KLRG1: variants seen among roughly 807,000 people sequenced by gnomAD.
The protein encoded by KLRG1 is killer cell lectin like receptor G1.
KLRG1 carries 16 observed loss-of-function variants against 21.8 expected under a neutral mutation model. The observed-to-expected ratio is 0.73, with a 90% CI of 0.50 to 1.11. The LOEUF (loss-of-function observed/expected upper bound fraction) is 1.11. Ranked by LOEUF, KLRG1 falls within the 50% of genes most tolerant of loss-of-function variation. The pLI is 0.00. For missense variants in KLRG1, 173 were observed against 218.3 expected (o/e 0.79, Z 1.31); for synonymous variants, 69 against 75.9 (o/e 0.91, Z 0.47).
intron 3 of KLRG1, among the ~76,000 whole-genome samples, chr12:9,004,473 A>T (rs1320673882): frequency 6.6e-6 from 1 of 152,160 alleles, no homozygotes; most frequent in Non-Finnish European, 1.5e-5. Context: ...TATTAAACAT[A>T]ATTTTTTAAA....
At chr12:9,080,242 T>G in the KLRG1 span, 7 of 1,148,012 alleles carry the variant, frequency 6.1e-6, no homozygotes, top group South Asian at 1.4e-5. Context: ...TAAACAGCTC[T>G]ATGACCCAGA....
At chr12:9,098,701 C>T in the KLRG1 span, 109 of 1,612,370 alleles carry the variant, frequency 6.8e-5, no homozygotes, top group East Asian at 2.3e-3. Context: ...CGCTGTGACT[C>T]GCAGGTGGGC....
chr12:9,186,000 G>C, the KLRG1 span, among the ~76,000 whole-genome samples: 1 of 151,774 alleles, frequency 6.6e-6, no homozygotes, highest in Non-Finnish European at 1.5e-5. Flanking sequence ...TAGAGATGGG[G>C]TTTCACCATG....
At chr12:9,173,331 G>A in the KLRG1 span, among the ~76,000 whole-genome samples, 1 of 152,180 alleles carries the variant, frequency 6.6e-6, no homozygotes. Context: ...ACAGTGTTAA[G>A]TGGGAAATTT....
Position 8,978,006 on chromosome 12 carries a change from G to A in KLRG1, c.-155-14200G>A, listed in dbSNP as rs146724103. On this transcript the variant is annotated intron_variant, in intron 1 of 4. Transcript: ENST00000539240. ...CCTGAGTAGCTGGGATTACAGGTGTGCACCACCATGCCTGGCTAATTTTTG... is the reference window on the plus strand; with the variant it reads ...CCTGAGTAGCTGGGATTACAGGTGTACACCACCATGCCTGGCTAATTTTTG... Among the ~76,000 whole-genome samples the A allele has an allele frequency of 2.0e-3, 307 of 152,000 alleles. 2 individuals are homozygous for A. The highest frequency in any genetic ancestry group is 7.2e-3 in the African/African-American group (300 of 41,448).
At chr12:9,152,444 T>A in the KLRG1 span, 541 of 680,518 alleles carry the variant, frequency 7.9e-4, 3 homozygotes, top group African/African-American at 8.0e-3. Flanking sequence ...CTGTGTTCCC[T>A]GGACTTGTGC....
intron 1 of KLRG1, among the ~76,000 whole-genome samples, chr12:8,953,397 C>T (rs997753293): frequency 6.6e-6 from 1 of 151,896 alleles, no homozygotes; most frequent in African/African-American, 2.4e-5. Flanking sequence ...AAGGTGGGCA[C>T]GACAGTGTAG....
At chr12:9,023,094 G>A in the KLRG1 span, among the ~76,000 whole-genome samples, 4 of 152,340 alleles carry the variant, frequency 2.6e-5, no homozygotes, top group African/African-American at 9.6e-5. Context: ...GGGTGTCAAG[G>A]ATACCTAGAT....
chr12:9,208,458 G>A, the KLRG1 span: 1 of 734,436 alleles, frequency 1.4e-6, no homozygotes, highest in Non-Finnish European at 2.4e-6. Context: ...CCCACCCCAA[G>A]GCCTCTGAAT....
the KLRG1 span, among the ~76,000 whole-genome samples, chr12:9,083,606 C>T: frequency 1.3e-5 from 2 of 150,874 alleles, no homozygotes; most frequent in African/African-American, 4.9e-5. Flanking sequence ...GGCAGAAGAG[C>T]AGAAAGACAA....
intron 1 of KLRG1, among the ~76,000 whole-genome samples, chr12:8,977,214 T>G (rs1946671127): frequency 6.6e-6 from 1 of 151,928 alleles, no homozygotes; most frequent in African/African-American, 2.4e-5. Flanking sequence ...CTGATTTTTT[T>G]TTTTTTTGAG....
chr12:9,020,985 C>G, the KLRG1 span, among the ~76,000 whole-genome samples: 2 of 152,152 alleles, frequency 1.3e-5, no homozygotes, highest in Non-Finnish European at 2.9e-5. Context: ...CAAACCTGCA[C>G]AGCAAGTTAC....
At chr12:9,195,225 C>G in the KLRG1 span, among the ~76,000 whole-genome samples, 4 of 151,994 alleles carry the variant, frequency 2.6e-5, no homozygotes, top group Middle Eastern at 3.4e-3. Context: ...TATGATGTAT[C>G]AATTTTTAAA....
the KLRG1 span, among the ~76,000 whole-genome samples, chr12:9,121,795 T>C: frequency 6.6e-6 from 1 of 152,252 alleles, no homozygotes; most frequent in Non-Finnish European, 1.5e-5. The surrounding 1 kb of genome is among the most constrained non-coding windows in gnomAD (Gnocchi z 4.4). Context: ...ATAATGAATC[T>C]GTCCCCATTG....
At chr12:9,044,673 CAAAA>C in the KLRG1 span, among the ~76,000 whole-genome samples, 1 of 146,562 alleles carries the variant, frequency 6.8e-6, no homozygotes, top group African/African-American at 2.5e-5. Context: ...TTTCAAAAAA[CAAAA>C]AAAAAACCCC....
chr12:9,165,457 G>C, the KLRG1 span: 1 of 1,417,646 alleles, frequency 7.1e-7, no homozygotes, highest in African/African-American at 1.4e-5. Context: ...CTAACGTCAA[G>C]AACTGAATCC....
the KLRG1 span, among the ~76,000 whole-genome samples, chr12:9,048,358 C>G: frequency 6.7e-6 from 1 of 150,054 alleles, no homozygotes; most frequent in Non-Finnish European, 1.5e-5. Context: ...CGCTTCCTAA[C>G]CCATTCTATG....
At chr12:9,116,227 T>G in the KLRG1 span, 5 of 289,726 alleles carry the variant, frequency 1.7e-5, no homozygotes, top group South Asian at 7.1e-5. Context: ...ACATCTCTTG[T>G]ATGAATAGCT....
chr12:9,077,922 C>A, the KLRG1 span: 1 of 1,593,618 alleles, frequency 6.3e-7, no homozygotes, highest in Non-Finnish European at 8.6e-7. Flanking sequence ...CACTTCACAG[C>A]AACAGGCTTC....
Sources: allele counts gnomAD v4.1 joint callset (sites outside exome capture counted in the v4.1 genomes callset), GRCh38; gene constraint gnomAD v4.1.1; non-coding constraint Gnocchi (gnomAD v3.1); transcripts MANE v1.5; gene names NCBI Gene and HGNC (gene_info 2026-07-23, HGNC 2026-07-21).